DDR2: variants seen among roughly 807,000 people sequenced by gnomAD.
The protein encoded by DDR2 is discoidin domain receptor tyrosine kinase 2.
A neutral mutation model predicts 94.9 loss-of-function variants in DDR2; 27 were observed. That is an observed-to-expected ratio of 0.28 (90% CI 0.21 to 0.39). The LOEUF (loss-of-function observed/expected upper bound fraction) is 0.39. Among genes scored for constraint, DDR2 ranks in the 10% least tolerant of loss-of-function variants. The pLI is 1.00. For synonymous variants in DDR2, 382 were observed against 377.2 expected, an observed-to-expected ratio of 1.01 and a Z score of -0.15; for missense variants, 783 against 1,076.0, an observed-to-expected ratio of 0.73 and a Z score of 3.81.
intron 14 of DDR2, among the ~76,000 whole-genome samples, chr1:162,774,309 A>ACTGGTGG (rs1463996227): frequency 5.9e-5 from 9 of 152,194 alleles, no homozygotes; most frequent in Non-Finnish European, 1.3e-4. Flanking sequence ...TCCCAGAGAA[A>ACTGGTGG]TCTCCACACC....
intron 3 of DDR2, among the ~76,000 whole-genome samples, chr1:162,747,441 G>T (rs996073823): frequency 6.6e-5 from 8 of 122,102 alleles, no homozygotes; most frequent in African/African-American, 2.0e-4. Flanking sequence ...GAGAAGAGAA[G>T]TTTAGAGAAA....
chr1:162,771,399 A>G (rs1240940730), intron 12 of DDR2, among the ~76,000 whole-genome samples: 2 of 152,232 alleles, frequency 1.3e-5, no homozygotes, highest in Admixed American at 1.3e-4. Context: ...TTCAAAGGAT[A>G]AAAGGAAACT....
At chr1:162,732,222 C>T (rs888748867) in intron 3 of DDR2, among the ~76,000 whole-genome samples, 1 of 152,176 alleles carries the variant, frequency 6.6e-6, no homozygotes, top group Non-Finnish European at 1.5e-5. Context: ...CAAAGAATAG[C>T]CCTGTAGGCT....
At chr1:162,755,553 A>G in intron 6 of DDR2, 111 bp from the exon 7 acceptor site, 1 of 1,139,376 alleles carries the variant, frequency 8.8e-7, no homozygotes, top group Non-Finnish European at 1.3e-6. Flanking sequence ...CGGTGTCCAG[A>G]TGGAGTCCTG....
intron 12 of DDR2, among the ~76,000 whole-genome samples, chr1:162,771,402 A>T (rs1001121286): frequency 4.6e-5 from 7 of 152,240 alleles, no homozygotes; most frequent in Admixed American, 2.0e-4. Context: ...AAAGGATAAA[A>T]GGAAACTTGC....
Position 162,772,215 on chromosome 1 carries a change from A to C in DDR2, c.1696A>C (p.Lys566Gln). Residue 566 changes from lysine (K) to glutamine (Q), a missense_variant, in exon 13 of 18, where the codon AAA becomes CAA. This residue lies in a region of DDR2 where 264 missense variants were observed against 428.2 expected (regional missense o/e 0.62). Coordinates refer to ENST00000367921, the MANE Select transcript of DDR2 (RefSeq NM_006182.4). ...EEFPRKLLTF[K>Q]EKLGEGQFGE... is the part of the protein sequence containing the mutation. ...GTTCCCCAGGAAACTCCTAACTTTC[A>C]AAGAGAAGCTGGGAGAAGGACAGTT... 1 of 1,614,220 alleles carries C rather than the reference A, an allele frequency of 6.2e-7. No homozygotes were observed. The highest frequency in any genetic ancestry group is 8.5e-7 in the Non-Finnish European group (1 of 1,180,040).
chr1:162,770,551 C>G (rs1664217218), intron 12 of DDR2, 39 bp downstream of exon 12: 1 of 1,592,598 alleles, frequency 6.3e-7, no homozygotes, highest in Non-Finnish European at 8.6e-7. Flanking sequence ...AAGGGAGAAA[C>G]CTCAGCAAGC....
chr1:162,777,516 A>G (rs1647642703), intron 16 of DDR2, among the ~76,000 whole-genome samples: 1 of 152,096 alleles, frequency 6.6e-6, no homozygotes, highest in Non-Finnish European at 1.5e-5. Context: ...TTTTTCACCT[A>G]TATATGTGAA....
chr1:162,763,699 T>A (rs1169222733), intron 9 of DDR2, among the ~76,000 whole-genome samples: 1 of 152,144 alleles, frequency 6.6e-6, no homozygotes, highest in East Asian at 1.9e-4. Context: ...AACTGGGTAG[T>A]AGGGATGCTC....
chr1:162,726,247 T>C (rs1661656986), intron 3 of DDR2, among the ~76,000 whole-genome samples: 1 of 152,260 alleles, frequency 6.6e-6, no homozygotes, highest in Admixed American at 6.5e-5. Flanking sequence ...CTTTCCATTA[T>C]TCTATACTGT....
At chr1:162,745,692 T>A (rs984535931) in intron 3 of DDR2, among the ~76,000 whole-genome samples, 7 of 152,160 alleles carry the variant, frequency 4.6e-5, no homozygotes, top group African/African-American at 1.7e-4. Flanking sequence ...GTCTGTTTTT[T>A]CAGGTACCAT....
At chr1:162,679,437 T>C (rs1558022328) in intron 2 of DDR2, among the ~76,000 whole-genome samples, 1 of 152,192 alleles carries the variant, frequency 6.6e-6, no homozygotes, top group Non-Finnish European at 1.5e-5. Context: ...TTTTTGACAG[T>C]ATGGAGCCTC....
intron 3 of DDR2, among the ~76,000 whole-genome samples, chr1:162,719,628 ATAGGT>A (rs1661329541): frequency 6.6e-6 from 1 of 152,122 alleles, no homozygotes; most frequent in Admixed American, 6.6e-5. Flanking sequence ...CTAAAAATAG[ATAGGT>A]TAGGAGAATC....
intron 2 of DDR2, among the ~76,000 whole-genome samples, chr1:162,677,788 T>C (rs1659207450): frequency 6.6e-6 from 1 of 152,194 alleles, no homozygotes; most frequent in Non-Finnish European, 1.5e-5. Flanking sequence ...TCCAGGAAGT[T>C]ATTCTACTTT....
At chr1:162,742,241 T>C (rs1662645346) in intron 3 of DDR2, among the ~76,000 whole-genome samples, 2 of 152,228 alleles carry the variant, frequency 1.3e-5, no homozygotes, top group African/African-American at 4.8e-5. Context: ...GAAATCATAG[T>C]GGATGGTGTG....
intron 2 of DDR2, among the ~76,000 whole-genome samples, chr1:162,690,510 C>T (rs2101975166): frequency 6.6e-6 from 1 of 152,242 alleles, no homozygotes; most frequent in South Asian, 2.1e-4. Flanking sequence ...ATTGTTAGTA[C>T]TAGATACATA....
At position 162,780,251 on chromosome 1, in the gene DDR2, G is replaced by C. The variant is rs776142581; in HGVS notation, c.*5G>C. 3.7e-6 allele frequency: 6 copies of C among 1,613,748 alleles called. No individual in the cohort carries two copies. Among genetic ancestry groups the C allele is most frequent in the Non-Finnish European group, 3.4e-6 (4 of 1,179,840 alleles). ...CTTCAACAAGGCGACGAGTGATGCTGTCAGTGCCTGGCCATGTTCCTACGG... is the reference window on the plus strand; with the variant it reads ...CTTCAACAAGGCGACGAGTGATGCTCTCAGTGCCTGGCCATGTTCCTACGG... On this transcript the variant is annotated 3_prime_UTR_variant, in exon 18 of 18. Transcript: ENST00000367921.
chr1:162,670,367 A>G (rs1481982907), intron 2 of DDR2, among the ~76,000 whole-genome samples: 1 of 152,178 alleles, frequency 6.6e-6, no homozygotes, highest in Non-Finnish European at 1.5e-5. Context: ...TGGCCTCCCA[A>G]GGTACTGGGA....
chr1:162,688,351 T>G (rs2101970735), intron 2 of DDR2, among the ~76,000 whole-genome samples: 1 of 152,378 alleles, frequency 6.6e-6, no homozygotes, highest in East Asian at 1.9e-4. Context: ...TTCTGGGTAA[T>G]TCCCATGTGT....
Sources: gnomAD v4.1 joint callset for allele counts (sites outside exome capture counted in the v4.1 genomes callset) on GRCh38, gnomAD v4.1.1 for gene constraint, gnomAD v4.1.1 regional missense constraint, MANE v1.5 for transcripts, NCBI Gene and HGNC (gene_info 2026-07-23, HGNC 2026-07-21) for gene names.